The following KIAA1217 variants were observed in gnomAD, a reference collection of about 807,000 sequenced individuals.
KIAA1217 encodes the protein KIAA1217.
In KIAA1217, 88 loss-of-function variants were observed where a neutral mutation model predicts 163.9. The observed-to-expected ratio is 0.54, with a 90% CI of 0.45 to 0.64. KIAA1217 has a LOEUF of 0.64. Among genes scored for constraint, KIAA1217 ranks in the 30% least tolerant of loss-of-function variants. The pLI, the probability that KIAA1217 is intolerant of heterozygous loss-of-function variation, is 0.00. For synonymous variants in KIAA1217, 903 were observed against 923.1 expected, an observed-to-expected ratio of 0.98 and a Z score of 0.39; for missense variants, 2,372 against 2,475.0, an observed-to-expected ratio of 0.96 and a Z score of 0.88.
chr10:24,433,274 T>C, intron 4 of KIAA1217, 81 bp downstream of exon 4: 1 of 1,046,478 alleles, frequency 9.6e-7, no homozygotes, highest in Non-Finnish European at 1.4e-6. Flanking sequence ...TTGAGGGGTT[T>C]TTTTTTACCC....
chr10:23,894,660 C>T (rs915258428), intron 1 of KIAA1217, among the ~76,000 whole-genome samples: 2 of 148,794 alleles, frequency 1.3e-5, no homozygotes, highest in African/African-American at 4.9e-5. Context: ...CATATGGAAC[C>T]AAAAAAGAGC....
intron 2 of KIAA1217, among the ~76,000 whole-genome samples, chr10:24,358,353 C>T (rs1475237018): frequency 6.6e-6 from 1 of 152,124 alleles, no homozygotes; most frequent in Non-Finnish European, 1.5e-5. Flanking sequence ...GCAGAGACGA[C>T]CTGGGTCAAC....
At chr10:24,350,895 C>A (rs1330041766) in intron 2 of KIAA1217, among the ~76,000 whole-genome samples, 1 of 150,444 alleles carries the variant, frequency 6.6e-6, no homozygotes, top group African/African-American at 2.4e-5. Context: ...TGGATCATAC[C>A]TAATAGGTCA....
At chr10:24,381,192 G>A in intron 3 of KIAA1217, 125 bp downstream of exon 3, 1 of 699,394 alleles carries the variant, frequency 1.4e-6, no homozygotes, top group Non-Finnish European at 2.1e-6. Context: ...TCTAGTACTG[G>A]GAAACTTCAT....
chr10:24,407,398 A>G (rs2057339600), intron 3 of KIAA1217, among the ~76,000 whole-genome samples: 1 of 152,138 alleles, frequency 6.6e-6, no homozygotes. Flanking sequence ...GGTTCAAGCA[A>G]TCCTCCTGCC....
At chr10:24,002,038 G>A (rs1325152784) in intron 1 of KIAA1217, among the ~76,000 whole-genome samples, 1 of 152,168 alleles carries the variant, frequency 6.6e-6, no homozygotes, top group African/African-American at 2.4e-5. Flanking sequence ...ATCCCTATGG[G>A]GTCTGTGATA....
rs150934564 is a variant in KIAA1217, at chr10:24,253,308, G to A, written c.354+33399G>A. Among the ~76,000 whole-genome samples, 357 of 152,284 alleles carry A rather than the reference G, an allele frequency of 2.3e-3. 1 individual carries two copies. Among genetic ancestry groups the A allele is most frequent in the Middle Eastern group, 0.014 (4 of 294 alleles). ...AGTCCCCTTTCGATGGGGTAGTGGG[G>A]ACTCCTCACTAAGCTGTCCTTCTAT... On this transcript the variant is annotated intron_variant, in intron 2 of 20. Transcript: ENST00000376454.
At chr10:23,801,564 C>A (rs1781768563) in intron 1 of KIAA1217, among the ~76,000 whole-genome samples, 1 of 152,186 alleles carries the variant, frequency 6.6e-6, no homozygotes, top group South Asian at 2.1e-4. Context: ...TTGAGAATAT[C>A]CACAGCAGCA....
At chr10:24,165,472 C>T (rs1394848508) in intron 2 of KIAA1217, among the ~76,000 whole-genome samples, 1 of 152,128 alleles carries the variant, frequency 6.6e-6, no homozygotes, top group Non-Finnish European at 1.5e-5. Context: ...TAATCCCTCT[C>T]CACTAACCCA....
intron 1 of KIAA1217, among the ~76,000 whole-genome samples, chr10:23,949,778 A>G (rs1010663664): frequency 1.3e-5 from 2 of 152,198 alleles, no homozygotes; most frequent in African/African-American, 4.8e-5. Context: ...TATTGAGGTG[A>G]GAAAATTAGA....
chr10:23,853,852 G>T (rs1283752015), intron 1 of KIAA1217, among the ~76,000 whole-genome samples: 1 of 152,092 alleles, frequency 6.6e-6, no homozygotes, highest in Admixed American at 6.6e-5. Context: ...TGTGGGATTG[G>T]TGGTGATATC....
intron 2 of KIAA1217, among the ~76,000 whole-genome samples, chr10:24,261,499 C>A (rs111546105): frequency 8.0e-3 from 1,048 of 131,456 alleles, no homozygotes; most frequent in Non-Finnish European, 8.5e-3. Context: ...CTGTCTCAGA[C>A]AAAAAAAAAA....
chr10:23,700,863 A>G (rs923582113), intron 1 of KIAA1217, among the ~76,000 whole-genome samples: 5 of 152,044 alleles, frequency 3.3e-5, no homozygotes, highest in African/African-American at 1.2e-4. Flanking sequence ...CATTTGATTC[A>G]CTTCCATCTT....
intron 2 of KIAA1217, among the ~76,000 whole-genome samples, chr10:24,159,397 A>C (rs2065017242): frequency 6.6e-6 from 1 of 152,170 alleles, no homozygotes; most frequent in Non-Finnish European, 1.5e-5. Flanking sequence ...TAGTTTCTTA[A>C]AAACTTAAAC....
At chr10:24,417,349 AG>A (rs2089212663) in intron 3 of KIAA1217, among the ~76,000 whole-genome samples, 1 of 152,186 alleles carries the variant, frequency 6.6e-6, no homozygotes, top group African/African-American at 2.4e-5. Context: ...GGAACAAAAA[AG>A]CAAGGCGTGA....
At chr10:24,316,025 C>T (rs1012878805) in intron 2 of KIAA1217, among the ~76,000 whole-genome samples, 3 of 151,900 alleles carry the variant, frequency 2.0e-5, no homozygotes, top group Admixed American at 6.6e-5. Flanking sequence ...TCTTCGAACA[C>T]TTTAGGCATC....
At chr10:24,004,624 C>T (rs182116064) in intron 1 of KIAA1217, among the ~76,000 whole-genome samples, 1 of 152,322 alleles carries the variant, frequency 6.6e-6, no homozygotes, top group African/African-American at 2.4e-5. Context: ...CAACAAGATC[C>T]AGTGACCAGC....
intron 1 of KIAA1217, among the ~76,000 whole-genome samples, chr10:23,921,126 A>G (rs1842834830): frequency 6.6e-6 from 1 of 152,186 alleles, no homozygotes; most frequent in Non-Finnish European, 1.5e-5. Context: ...CACAGCTTAT[A>G]TTAAACTTTT....
At chr10:23,827,684 TG>T (rs1837964052) in intron 1 of KIAA1217, among the ~76,000 whole-genome samples, 1 of 152,212 alleles carries the variant, frequency 6.6e-6, no homozygotes, top group African/African-American at 2.4e-5. Context: ...AGCAGGCTCT[TG>T]AATTCCTCCT....
Sources: allele counts gnomAD v4.1 joint callset (sites outside exome capture counted in the v4.1 genomes callset), GRCh38; gene constraint gnomAD v4.1.1; transcripts MANE v1.5; gene names NCBI Gene and HGNC (gene_info 2026-07-23, HGNC 2026-07-21).